Variants in LRRTM3 observed in about 807,000 individuals in gnomAD.
LRRTM3 encodes leucine rich repeat transmembrane neuronal 3.
A neutral mutation model predicts 44.7 loss-of-function variants in LRRTM3; 24 were observed. That is an observed-to-expected ratio of 0.54 (90% CI 0.39 to 0.76). The LOEUF (loss-of-function observed/expected upper bound fraction) is 0.76. Among genes scored for constraint, LRRTM3 ranks in the 30% least tolerant of loss-of-function variants. The pLI is 0.00. For synonymous variants in LRRTM3, 277 were observed against 278.7 expected, an observed-to-expected ratio of 0.99 and a Z score of 0.06; for missense variants, 587 against 702.2, an observed-to-expected ratio of 0.84 and a Z score of 1.85.
At chr10:66,995,179 C>G (rs1405068911) in intron 2 of LRRTM3, among the ~76,000 whole-genome samples, 1 of 152,168 alleles carries the variant, frequency 6.6e-6, no homozygotes, top group Non-Finnish European at 1.5e-5. Context: ...CCCATGATTT[C>G]CATACTCTCC....
intron 2 of LRRTM3, among the ~76,000 whole-genome samples, chr10:67,015,764 G>A (rs997156364): frequency 6.6e-6 from 1 of 151,112 alleles, no homozygotes; most frequent in Non-Finnish European, 1.5e-5. Flanking sequence ...CCTATTCTTA[G>A]GATCACCAAT....
chr10:66,970,378 T>A (rs1849649592), intron 2 of LRRTM3, among the ~76,000 whole-genome samples: 1 of 152,060 alleles, frequency 6.6e-6, no homozygotes, highest in South Asian at 2.1e-4. Flanking sequence ...CAGCTTCTTC[T>A]CGATATACAG....
chr10:67,025,636 T>A (rs889472761), intron 2 of LRRTM3, among the ~76,000 whole-genome samples: 1 of 152,216 alleles, frequency 6.6e-6, no homozygotes, highest in Non-Finnish European at 1.5e-5. Flanking sequence ...AAAATCTATA[T>A]AGCAAGTTGA....
intron 2 of LRRTM3, among the ~76,000 whole-genome samples, chr10:67,086,557 A>G (rs1440555352): frequency 6.6e-6 from 1 of 152,012 alleles, no homozygotes; most frequent in African/African-American, 2.4e-5. Context: ...TTTTTAGATG[A>G]GGCATGTCAA....
At chr10:67,001,383 T>C (rs1372361649) in intron 2 of LRRTM3, among the ~76,000 whole-genome samples, 3 of 150,616 alleles carry the variant, frequency 2.0e-5, no homozygotes, top group Non-Finnish European at 4.4e-5. Context: ...AGTTCACTTC[T>C]AGAATGCTAG....
At position 67,024,119 on chromosome 10, in the gene LRRTM3, C is replaced by T. The variant is rs1853201734; in HGVS notation, c.1537-73468C>T. On this transcript the variant is annotated intron_variant, in intron 2 of 2. Transcript: ENST00000361320. ...AGTCAAGTCAGCAGGACTGTGTTCC[C>T]TCCAGAGGTCTAGGGGAAAATATGT... Among the ~76,000 whole-genome samples, 3 of 152,222 alleles carry T rather than the reference C, an allele frequency of 2.0e-5. No individual in the cohort carries two copies. The South Asian group carries it at 6.2e-4, about 32-fold the overall frequency.
At chr10:66,967,848 AC>A (rs2132811293) in intron 2 of LRRTM3, among the ~76,000 whole-genome samples, 1 of 152,252 alleles carries the variant, frequency 6.6e-6, no homozygotes, top group South Asian at 2.1e-4. Flanking sequence ...CAATTCTACA[AC>A]AATGAGTAGT....
intron 2 of LRRTM3, among the ~76,000 whole-genome samples, chr10:66,988,786 C>T (rs892994718): frequency 3.3e-5 from 5 of 152,042 alleles, no homozygotes; most frequent in Non-Finnish European, 7.4e-5. Context: ...TACTTATTCT[C>T]ATTTCCTAAT....
intron 2 of LRRTM3, among the ~76,000 whole-genome samples, chr10:67,032,070 T>C (rs903259455): frequency 6.6e-6 from 1 of 152,204 alleles, no homozygotes; most frequent in African/African-American, 2.4e-5. Flanking sequence ...GTAGGTCATG[T>C]ACATTTCATA....
In LRRTM3 at chr10:67,026,817, G is replaced by C. The variant is rs998937123; in HGVS notation, c.1537-70770G>C. On this transcript the variant is annotated intron_variant, in intron 2 of 2. Transcript: ENST00000361320. Reference sequence around the variant, plus strand: ...GAAAAATGAAACAAACTCTTCTCATGTGTTAATTAAAAGAGTTCAGAAACC... The same window carrying C: ...GAAAAATGAAACAAACTCTTCTCATCTGTTAATTAAAAGAGTTCAGAAACC... 1.5e-4 allele frequency among the ~76,000 whole-genome samples: 23 copies of C among 152,242 alleles called. 1 individual carries two copies. The highest frequency in any genetic ancestry group is 1.0e-3 in the South Asian group (5 of 4,822).
chr10:67,034,388 G>A (rs1054537958), intron 2 of LRRTM3, among the ~76,000 whole-genome samples: 10 of 152,120 alleles, frequency 6.6e-5, no homozygotes, highest in South Asian at 4.2e-4. Flanking sequence ...AAATGTTCTG[G>A]TTGCCCTCAA....
At chr10:66,981,790 A>G (rs1019280891) in intron 2 of LRRTM3, among the ~76,000 whole-genome samples, 8 of 152,226 alleles carry the variant, frequency 5.3e-5, no homozygotes, top group Admixed American at 2.0e-4. Context: ...GAGAAACTAC[A>G]GGTTCCTTCA....
intron 2 of LRRTM3, among the ~76,000 whole-genome samples, chr10:66,931,877 A>C (rs1847417864): frequency 6.6e-6 from 1 of 152,242 alleles, no homozygotes; most frequent in African/African-American, 2.4e-5. Context: ...ATGCTGGCTA[A>C]GCATTTTGAT....
At chr10:66,972,392 G>C (rs1849771470) in intron 2 of LRRTM3, among the ~76,000 whole-genome samples, 1 of 152,116 alleles carries the variant, frequency 6.6e-6, no homozygotes, top group Non-Finnish European at 1.5e-5. Flanking sequence ...CTGGGCTCAA[G>C]CAGTCCTCCT....
At chr10:67,039,859 T>A (rs891996210) in intron 2 of LRRTM3, among the ~76,000 whole-genome samples, 8 of 152,148 alleles carry the variant, frequency 5.3e-5, no homozygotes, top group Non-Finnish European at 1.2e-4. Context: ...CCAAGACCGT[T>A]ACAGATTAAT....
intron 2 of LRRTM3, among the ~76,000 whole-genome samples, chr10:66,945,620 T>C (rs1175925842): frequency 6.6e-6 from 1 of 152,186 alleles, no homozygotes; most frequent in Non-Finnish European, 1.5e-5. Flanking sequence ...AACTTTTCCT[T>C]TGCACTAACA....
At chr10:66,942,756 A>G (rs1848075199) in intron 2 of LRRTM3, among the ~76,000 whole-genome samples, 1 of 152,180 alleles carries the variant, frequency 6.6e-6, no homozygotes, top group Non-Finnish European at 1.5e-5. Flanking sequence ...ACAGTAAACC[A>G]AAATGGTCTG....
intron 2 of LRRTM3, among the ~76,000 whole-genome samples, chr10:67,031,137 A>G (rs933644401): frequency 2.0e-5 from 3 of 152,238 alleles, no homozygotes; most frequent in Admixed American, 1.3e-4. Context: ...TTCAAAAGTA[A>G]CCTTTACTTA....
intron 2 of LRRTM3, among the ~76,000 whole-genome samples, chr10:66,974,174 G>A (rs7903324): frequency 1.3e-5 from 2 of 152,060 alleles, no homozygotes; most frequent in Non-Finnish European, 2.9e-5. Flanking sequence ...AGCTTGATAC[G>A]AATGAAATCA....
Sources: gnomAD v4.1 joint callset for allele counts (sites outside exome capture counted in the v4.1 genomes callset) on GRCh38, gnomAD v4.1.1 for gene constraint, MANE v1.5 for transcripts, NCBI Gene and HGNC (gene_info 2026-07-23, HGNC 2026-07-21) for gene names.